The following HSD17B12 variants were observed in gnomAD, a reference collection of about 807,000 sequenced individuals.
The protein encoded by HSD17B12 is very-long-chain 3-oxoacyl-CoA reductase.
In HSD17B12, 32 loss-of-function variants were observed where a neutral mutation model predicts 39.3. The ratio of observed to expected loss-of-function variants is 0.81; its 90% CI spans 0.61 to 1.09. The LOEUF (loss-of-function observed/expected upper bound fraction) is 1.09. HSD17B12 is among the 50% of genes least tolerant of loss of function. HSD17B12 has a pLI of 0.00. For missense variants in HSD17B12, 342 were observed against 382.9 expected (o/e 0.89, Z 0.89); for synonymous variants, 150 against 146.7 (o/e 1.02, Z -0.16).
rs556263713 is a variant in HSD17B12 at position 43,790,913 on chromosome 11, G to C, written c.284-7407G>C. On this transcript the variant is annotated intron_variant, in intron 3 of 10. Transcript: ENST00000278353. ...GAAGGCTGAGGCAGGAGAATCGCTT[G>C]AACCCAGGAGGTGGAGGTTGCAGTG... Among the ~76,000 whole-genome samples the C allele has an allele frequency of 2.0e-5, 3 of 152,246 alleles. No homozygotes were observed. The East Asian group carries it at 5.8e-4, about 29-fold the overall frequency.
chr11:43,818,988 A>G (rs1250086156), intron 6 of HSD17B12, among the ~76,000 whole-genome samples: 1 of 152,172 alleles, frequency 6.6e-6, no homozygotes, highest in African/African-American at 2.4e-5. Context: ...TATTATTTTG[A>G]TATATCTTTT....
At chr11:43,818,933 G>A (rs917457069) in intron 6 of HSD17B12, among the ~76,000 whole-genome samples, 5 of 152,034 alleles carry the variant, frequency 3.3e-5, no homozygotes, top group African/African-American at 1.2e-4. Flanking sequence ...AGTCTACAAC[G>A]TATATATTTT....
upstream of HSD17B12, chr11:43,680,730 C>G (rs140946084): frequency 9.2e-7 from 1 of 1,083,182 alleles, no homozygotes; most frequent in African/African-American, 1.6e-5. Flanking sequence ...GGAGCAGCGC[C>G]TATTAGTGTC....
Position 43,717,578 on chromosome 11 carries a change from G to T in HSD17B12, c.161-33333G>T, listed in dbSNP as rs908734818. Among the ~76,000 whole-genome samples, 6 of 152,210 alleles carry T rather than the reference G, an allele frequency of 3.9e-5. No individual in the cohort carries two copies. The East Asian group carries it at 5.8e-4, about 15-fold the overall frequency. ...CTATTCCACATGGTATTGGCTGGGGGTAGAGGGTTCACGATGGCCTCACCT... is the reference window on the plus strand; with the variant it reads ...CTATTCCACATGGTATTGGCTGGGGTTAGAGGGTTCACGATGGCCTCACCT... On this transcript the variant is annotated intron_variant, in intron 1 of 10. Transcript: ENST00000278353.
At chr11:43,594,810 T>G in the HSD17B12 span, among the ~76,000 whole-genome samples, 1 of 152,140 alleles carries the variant, frequency 6.6e-6, no homozygotes, top group Non-Finnish European at 1.5e-5. Flanking sequence ...GCCCCCACCC[T>G]GCCAAAATGT....
chr11:43,802,198 G>A (rs2135053274), intron 4 of HSD17B12, among the ~76,000 whole-genome samples: 1 of 152,062 alleles, frequency 6.6e-6, no homozygotes, highest in South Asian at 2.1e-4. Context: ...GTGTTAGCCA[G>A]GGTGGTCTCG....
the HSD17B12 span, among the ~76,000 whole-genome samples, chr11:43,641,567 CT>C: frequency 6.6e-6 from 1 of 151,918 alleles, no homozygotes; most frequent in Admixed American, 6.6e-5. Flanking sequence ...TACTCACATG[CT>C]GGGAAAATAT....
At chr11:43,775,628 T>C (rs547994067) in intron 3 of HSD17B12, among the ~76,000 whole-genome samples, 1 of 152,182 alleles carries the variant, frequency 6.6e-6, no homozygotes, top group South Asian at 2.1e-4. Flanking sequence ...ATTATTATAC[T>C]TTAAGTTTTA....
chr11:43,664,717 T>A, the HSD17B12 span, among the ~76,000 whole-genome samples: 1 of 152,134 alleles, frequency 6.6e-6, no homozygotes, highest in Non-Finnish European at 1.5e-5. Context: ...TGCTTGGGGG[T>A]GCCCACAAGT....
intron 1 of HSD17B12, among the ~76,000 whole-genome samples, chr11:43,688,523 A>C (rs1949823201): frequency 6.6e-6 from 1 of 152,254 alleles, no homozygotes; most frequent in Admixed American, 6.5e-5. Context: ...TCTACAAAAC[A>C]ATGCGTTTGC....
At chr11:43,706,158 A>G (rs1950012823) in intron 1 of HSD17B12, among the ~76,000 whole-genome samples, 1 of 152,066 alleles carries the variant, frequency 6.6e-6, no homozygotes, top group African/African-American at 2.4e-5. Flanking sequence ...ATGTGTGTGT[A>G]TAAATATGGC....
chr11:43,668,067 A>AAC, the HSD17B12 span, among the ~76,000 whole-genome samples: 13 of 151,640 alleles, frequency 8.6e-5, no homozygotes, highest in Admixed American at 2.6e-4. Flanking sequence ...TTCCTTACGG[A>AAC]ACACACACAC....
At chr11:43,690,381 TATATATATATATA>T (rs1949845378) in intron 1 of HSD17B12, among the ~76,000 whole-genome samples, 50 of 13,822 alleles carry the variant, frequency 3.6e-3, no homozygotes, top group Middle Eastern at 0.014. Context: ...TATATATATA[TATATATATATATA>T]TATATATATA....
the HSD17B12 span, among the ~76,000 whole-genome samples, chr11:43,653,847 G>C: frequency 6.6e-6 from 1 of 152,144 alleles, no homozygotes; most frequent in Non-Finnish European, 1.5e-5. Context: ...TGTGAATAGT[G>C]CCGCAATAAA....
intron 8 of HSD17B12, among the ~76,000 whole-genome samples, chr11:43,839,468 A>G (rs1951403961): frequency 1.3e-5 from 2 of 152,170 alleles, no homozygotes; most frequent in East Asian, 1.9e-4. Context: ...AAAATGGCAC[A>G]TTGTATTTTA....
At chr11:43,704,085 A>G (rs1372228669) in intron 1 of HSD17B12, among the ~76,000 whole-genome samples, 1 of 152,188 alleles carries the variant, frequency 6.6e-6, no homozygotes, top group East Asian at 1.9e-4. Context: ...CCCCAGTGGT[A>G]TGGTCAGAGG....
chr11:43,788,498 T>C (rs951847813), intron 3 of HSD17B12, among the ~76,000 whole-genome samples: 1 of 152,144 alleles, frequency 6.6e-6, no homozygotes, highest in East Asian at 1.9e-4. Flanking sequence ...TGTACAGTCC[T>C]GTGGGCTCTC....
the HSD17B12 span, among the ~76,000 whole-genome samples, chr11:43,632,454 T>G: frequency 6.6e-6 from 1 of 152,206 alleles, no homozygotes; most frequent in African/African-American, 2.4e-5. Context: ...AAAGCTGATG[T>G]CATTGGAAGG....
chr11:43,684,566 A>G (rs1426499662), intron 1 of HSD17B12, among the ~76,000 whole-genome samples: 1 of 152,260 alleles, frequency 6.6e-6, no homozygotes, highest in East Asian at 1.9e-4. Context: ...AAGATATTTT[A>G]TAACTTTAAA....
Sources: allele counts gnomAD v4.1 joint callset (sites outside exome capture counted in the v4.1 genomes callset), GRCh38; gene constraint gnomAD v4.1.1; transcripts MANE v1.5; gene names NCBI Gene and HGNC (gene_info 2026-07-23, HGNC 2026-07-21).